The following INSC variants were observed in gnomAD, a reference collection of about 807,000 sequenced individuals.
INSC encodes the protein protein inscuteable homolog.
Under a neutral mutation model 58.6 loss-of-function variants are expected in INSC, and 67 were observed. The ratio of observed to expected loss-of-function variants is 1.14; its 90% CI spans 0.94 to 1.40. The LOEUF (loss-of-function observed/expected upper bound fraction) is 1.40. Among genes scored for constraint, INSC ranks in the 40% most tolerant of loss-of-function variants. The probability of loss-of-function intolerance (pLI) is 0.00; values close to 1 mark genes in which losing one functional copy is unlikely to be tolerated. For synonymous variants in INSC, 262 were observed against 276.1 expected, an observed-to-expected ratio of 0.95 and a Z score of 0.51; for missense variants, 714 against 692.0, an observed-to-expected ratio of 1.03 and a Z score of -0.36.
chr11:15,166,666 A>G (rs1849207345), intron 2 of INSC, among the ~76,000 whole-genome samples: 1 of 152,178 alleles, frequency 6.6e-6, no homozygotes, highest in African/African-American at 2.4e-5. Flanking sequence ...AAGGCATACT[A>G]TGCATGTCTC....
chr11:15,112,618 GT>G, upstream of INSC: 1 of 749,616 alleles, frequency 1.3e-6, no homozygotes. Context: ...GTGTGTGTGT[GT>G]GTGTGTGTGT....
At chr11:15,266,895 G>A in the INSC span, among the ~76,000 whole-genome samples, 2 of 151,978 alleles carry the variant, frequency 1.3e-5, no homozygotes, top group Non-Finnish European at 2.9e-5. Flanking sequence ...AAGACACTCA[G>A]AGATGATGGG....
chr11:15,122,377 C>T (rs1042735537), intron 1 of INSC, among the ~76,000 whole-genome samples: 14 of 152,008 alleles, frequency 9.2e-5, no homozygotes, highest in African/African-American at 9.7e-5. Context: ...GAACTAAGTT[C>T]GAATGAAGAG....
At chr11:15,179,354 G>A (rs1025442249) in intron 5 of INSC, among the ~76,000 whole-genome samples, 2 of 152,254 alleles carry the variant, frequency 1.3e-5, no homozygotes, top group African/African-American at 4.8e-5. Context: ...TATAGTTACA[G>A]AAATATTGTG....
At chr11:15,177,033 T>A (rs1371815514) in intron 3 of INSC, 78 bp from the exon 4 acceptor site, 1 of 1,076,138 alleles carries the variant, frequency 9.3e-7, no homozygotes, top group Non-Finnish European at 1.4e-6. Context: ...ATGTTTAATG[T>A]CCCCGTGTGC....
intron 7 of INSC, among the ~76,000 whole-genome samples, chr11:15,212,108 G>GT (rs902773150): frequency 9.8e-4 from 146 of 148,848 alleles, no homozygotes; most frequent in South Asian, 2.3e-3. Context: ...AATTGACATA[G>GT]TTTTTTTTTT....
rs558310376 is a variant in INSC at position 15,171,570 on chromosome 11, A to G, written c.57-4171A>G. Among the ~76,000 whole-genome samples the G allele has an allele frequency of 1.1e-4, 17 of 152,290 alleles. No individual in the cohort carries two copies. The East Asian group carries it at 3.3e-3, about 29-fold the overall frequency. ...GACAAGTCCAAACCCTACCCAGGAT[A>G]TGACCACCTCCTCCAGGCACCTGCC... On this transcript the variant is annotated intron_variant, in intron 2 of 12. Coordinates refer to ENST00000379556, the MANE Select transcript of INSC (RefSeq NM_001042536.3).
chr11:15,138,238 CAAT>C, intron 1 of INSC, among the ~76,000 whole-genome samples: 1 of 152,026 alleles, frequency 6.6e-6, no homozygotes, highest in Admixed American at 6.5e-5. Context: ...ACAGCAGATA[CAAT>C]AGTAATGAAA....
intron 1 of INSC, among the ~76,000 whole-genome samples, chr11:15,137,001 A>C (rs1353427522): frequency 6.6e-6 from 1 of 152,222 alleles, no homozygotes; most frequent in Non-Finnish European, 1.5e-5. Flanking sequence ...AAGACTTGAA[A>C]GTCAAAATTA....
At chr11:15,183,446 TG>T (rs1216356982) in intron 5 of INSC, among the ~76,000 whole-genome samples, 44 of 149,230 alleles carry the variant, frequency 2.9e-4, no homozygotes, top group African/African-American at 1.0e-3. Flanking sequence ...TGTGTGTATG[TG>T]TGTGTGTGTG....
At chr11:15,184,995 T>G (rs1224387723) in intron 5 of INSC, among the ~76,000 whole-genome samples, 2 of 152,252 alleles carry the variant, frequency 1.3e-5, no homozygotes, top group African/African-American at 4.8e-5. Flanking sequence ...GTGGTTGCAA[T>G]TAATGGTTAT....
At chr11:15,224,057 A>G (rs1851542564) in intron 8 of INSC, among the ~76,000 whole-genome samples, 1 of 152,240 alleles carries the variant, frequency 6.6e-6, no homozygotes, top group African/African-American at 2.4e-5. Flanking sequence ...CTAGCCTCAA[A>G]CAGTTACTTA....
chr11:15,244,660 T>C (rs1050739983), intron 12 of INSC, among the ~76,000 whole-genome samples: 1 of 152,174 alleles, frequency 6.6e-6, no homozygotes, highest in Non-Finnish European at 1.5e-5. Flanking sequence ...AGTTTCCTTA[T>C]TTCCAAAAGG....
chr11:15,258,967 A>G, the INSC span, among the ~76,000 whole-genome samples: 1 of 152,118 alleles, frequency 6.6e-6, no homozygotes, highest in Non-Finnish European at 1.5e-5. Context: ...AATACAAAAC[A>G]AGGTCTTTGT....
intron 2 of INSC, among the ~76,000 whole-genome samples, chr11:15,174,084 C>G (rs551192201): frequency 3.3e-5 from 5 of 151,824 alleles, no homozygotes; most frequent in African/African-American, 1.2e-4. Context: ...CCTCATTGCT[C>G]TCAACTCATC....
rs753182550 is a variant in INSC, at chr11:15,176,006, G to T, written c.322G>T (p.Val108Leu). The stretch of plus-strand genomic sequence containing the variant: ...CTGGGCACGGGTGCACAGCATGAGC[G>T]TGCGTCTGACCTGCCATGCCCGCTC... ...DRWARVHSMS[V>L]RLTCHARSMV... is the part of the protein sequence containing the mutation. Residue 108 changes from valine (V) to leucine (L), a missense_variant, in exon 3 of 13, where the codon GTG becomes TTG. Val to Leu is a conservative substitution (Grantham distance 32, BLOSUM62 1). Transcript: ENST00000379556. 1 of 1,600,114 alleles carries T rather than the reference G, an allele frequency of 6.2e-7. No homozygotes were observed. Among genetic ancestry groups the T allele is most frequent in the Admixed American group, 1.7e-5 (1 of 57,988 alleles).
intron 1 of INSC, among the ~76,000 whole-genome samples, chr11:15,135,237 G>C (rs998578681): frequency 2.6e-5 from 4 of 152,160 alleles, no homozygotes; most frequent in African/African-American, 9.6e-5. Flanking sequence ...AACATTTATT[G>C]GGCTCCTACT....
intron 5 of INSC, among the ~76,000 whole-genome samples, chr11:15,183,914 T>G (rs1348013773): frequency 6.6e-6 from 1 of 152,320 alleles, no homozygotes; most frequent in Non-Finnish European, 1.5e-5. Context: ...TATACTACTT[T>G]TTACTGCCTG....
At chr11:15,169,618 T>C (rs577772941) in intron 2 of INSC, among the ~76,000 whole-genome samples, 33 of 152,282 alleles carry the variant, frequency 2.2e-4, no homozygotes, top group Non-Finnish European at 4.4e-4. Context: ...CTCTGCTCAC[T>C]GCAACCTCTG....
Sources: gnomAD v4.1 joint callset for allele counts (sites outside exome capture counted in the v4.1 genomes callset) on GRCh38, gnomAD v4.1.1 for gene constraint, MANE v1.5 for transcripts, NCBI Gene and HGNC (gene_info 2026-07-23, HGNC 2026-07-21) for gene names.